MALRD1: variants seen among roughly 807,000 people sequenced by gnomAD.
The protein encoded by MALRD1 is MAM and LDL receptor class A domain containing 1.
Under a neutral mutation model 242.1 loss-of-function variants are expected in MALRD1, and 247 were observed. The ratio of observed to expected loss-of-function variants is 1.02; its 90% CI spans 0.92 to 1.13. The LOEUF (loss-of-function observed/expected upper bound fraction) is 1.13. MALRD1 is among the 50% of genes most tolerant of loss of function. The pLI, the probability that MALRD1 is intolerant of heterozygous loss-of-function variation, is 0.00. For missense variants in MALRD1, 2,989 were observed against 2,533.1 expected (o/e 1.18, Z -3.86); for synonymous variants, 995 against 866.6 (o/e 1.15, Z -2.60).
Position 19,238,546 on chromosome 10 carries a change from T to TACATAATGTATATTATATATAATATAC in MALRD1, c.2992-19137_2992-19136insCATAATGTATATTATATATAATATACA, listed in dbSNP as rs371075170. 2.1e-4 allele frequency among the ~76,000 whole-genome samples: 17 copies of TACATAATGTATATTATATATAATATAC among 80,372 alleles called. 2 individuals are homozygous for TACATAATGTATATTATATATAATATAC. The highest frequency in any genetic ancestry group is 3.1e-4 in the East Asian group (1 of 3,206). The allele number at this position is 80,372 out of a possible 152,430, so 52.7% of individuals were successfully genotyped here. On this transcript the variant is annotated intron_variant, in intron 18 of 39. Coordinates refer to ENST00000454679, the MANE Select transcript of MALRD1 (RefSeq NM_001142308.3). Reference sequence around the variant, plus strand: ...TATATAATATACATTATATATAATATATAATGTATATTATATATAATATAC... The same window carrying TACATAATGTATATTATATATAATATAC: ...TATATAATATACATTATATATAATATACATAATGTATATTATATATAATATACATAATGTATATTATATATAATATAC...
At chr10:19,164,761 A>G (rs534616023) in intron 12 of MALRD1, among the ~76,000 whole-genome samples, 11 of 152,288 alleles carry the variant, frequency 7.2e-5, no homozygotes, top group African/African-American at 2.6e-4. Context: ...TGTTAGGGCT[A>G]CTGCTATCAG....
At chr10:19,581,847 G>C (rs1837142935) in intron 33 of MALRD1, among the ~76,000 whole-genome samples, 1 of 151,864 alleles carries the variant, frequency 6.6e-6, no homozygotes, top group Admixed American at 6.6e-5. Context: ...CAGTGTAAAA[G>C]TGTTCCTATT....
chr10:19,606,455 A>G (rs551628634), intron 34 of MALRD1, among the ~76,000 whole-genome samples: 2 of 152,268 alleles, frequency 1.3e-5, no homozygotes, highest in African/African-American at 4.8e-5. Flanking sequence ...CTGACTATCT[A>G]CTGCTGCCTT....
rs191439715 is a variant in MALRD1, at chr10:19,645,411, A to C, written c.6137+29488A>C. ...CCAAAGGATTATAAATCATGCTGCT[A>C]TAAAGACACATGCACACATACGTTT... On this transcript the variant is annotated intron_variant, in intron 36 of 39. Transcript: ENST00000454679. Among the ~76,000 whole-genome samples the C allele has an allele frequency of 9.2e-5, 14 of 152,338 alleles. No individual in the cohort carries two copies. The East Asian group carries it at 2.7e-3, about 29-fold the overall frequency.
chr10:19,223,991 T>A (rs957540627), intron 18 of MALRD1, among the ~76,000 whole-genome samples: 1 of 152,212 alleles, frequency 6.6e-6, no homozygotes, highest in Non-Finnish European at 1.5e-5. Flanking sequence ...CTATTGTGAA[T>A]AGTGCTGCAG....
chr10:19,340,710 A>G (rs1588937439), intron 24 of MALRD1, among the ~76,000 whole-genome samples: 1 of 152,160 alleles, frequency 6.6e-6, no homozygotes, highest in East Asian at 1.9e-4. Flanking sequence ...GTCTTTCACA[A>G]TTATTACAGA....
intron 5 of MALRD1, among the ~76,000 whole-genome samples, chr10:19,118,362 G>C (rs139421244): frequency 0.011 from 1,682 of 152,260 alleles, 33 homozygotes; most frequent in African/African-American, 0.038. Flanking sequence ...TACACAATTT[G>C]GGGAGACATA....
chr10:19,352,131 A>G lies in MALRD1; in HGVS notation c.4275A>G (p.Arg1425=). The G allele has an allele frequency of 6.4e-7, 1 of 1,550,604 alleles. No homozygotes were observed. The highest frequency in any genetic ancestry group is 8.7e-7 in the Non-Finnish European group (1 of 1,146,938). Residue 1425 remains arginine, a synonymous_variant, in exon 26 of 40, where the codon AGA becomes AGG. Coordinates refer to ENST00000454679, the MANE Select transcript of MALRD1 (RefSeq NM_001142308.3). ...LTVEQGNFWR[R]EELSLFGDED... ...TAGAACAAGGCAATTTCTGGCGGAGAGAAGAACTGTCACTGTTTGGTGATG... is the reference window on the plus strand; with the variant it reads ...TAGAACAAGGCAATTTCTGGCGGAGGGAAGAACTGTCACTGTTTGGTGATG...
intron 38 of MALRD1, among the ~76,000 whole-genome samples, chr10:19,726,645 G>A (rs932990867): frequency 2.1e-4 from 32 of 152,086 alleles, no homozygotes; most frequent in African/African-American, 6.3e-4. Flanking sequence ...TATTCATGCA[G>A]CAATGTTCCC....
chr10:19,194,941 A>T (rs1264792005), intron 14 of MALRD1, among the ~76,000 whole-genome samples: 2 of 152,298 alleles, frequency 1.3e-5, no homozygotes, highest in East Asian at 3.9e-4. Flanking sequence ...TCTCAGTCTG[A>T]AAATATAAAA....
chr10:19,536,601 G>C (rs972711014), intron 32 of MALRD1, among the ~76,000 whole-genome samples: 2 of 151,718 alleles, frequency 1.3e-5, no homozygotes, highest in Non-Finnish European at 2.9e-5. Context: ...TGTTAGTTTA[G>C]CTACTCTAAA....
At chr10:19,219,295 A>T (rs188770125) in intron 18 of MALRD1, among the ~76,000 whole-genome samples, 3 of 152,190 alleles carry the variant, frequency 2.0e-5, no homozygotes, top group African/African-American at 7.2e-5. Context: ...ATATAAAAAC[A>T]TACTATACTA....
intron 21 of MALRD1, among the ~76,000 whole-genome samples, chr10:19,297,444 C>T (rs746398027): frequency 1.6e-4 from 24 of 151,636 alleles, no homozygotes; most frequent in Admixed American, 5.9e-4. Context: ...AGTGGCACGA[C>T]GGTAAGAGTA....
chr10:19,064,575 C>A (rs1216322091), intron 1 of MALRD1, among the ~76,000 whole-genome samples: 6 of 148,802 alleles, frequency 4.0e-5, no homozygotes, highest in African/African-American at 1.2e-4. Flanking sequence ...ACAAAAAGAA[C>A]CCCTGTTGAG....
intron 13 of MALRD1, among the ~76,000 whole-genome samples, chr10:19,173,863 G>A (rs142213161): frequency 5.7e-4 from 87 of 152,174 alleles, no homozygotes; most frequent in African/African-American, 2.1e-3. Flanking sequence ...TATGATGTAG[G>A]GTAGTGAATG....
chr10:19,450,456 A>G lies in MALRD1; in HGVS notation c.4995A>G (p.Ala1665=). The G allele has an allele frequency of 2.6e-6, 4 of 1,550,046 alleles. No individual in the cohort carries two copies. The highest frequency in any genetic ancestry group is 3.5e-6 in the Non-Finnish European group (4 of 1,146,796). ...CAAGGGACCTGGGAGGAGGAGCTGCAATTGATGATATTGAATTTAAAAACT... is the reference window on the plus strand; with the variant it reads ...CAAGGGACCTGGGAGGAGGAGCTGCGATTGATGATATTGAATTTAAAAACT... ...IRTRDLGGGA[A]IDDIEFKNCT... The change falls in exon 29 of 40, where the codon GCA becomes GCG. Residue 1665 remains alanine, a synonymous_variant. Transcript: ENST00000454679.
chr10:19,281,104 T>G (rs986547198), intron 20 of MALRD1, among the ~76,000 whole-genome samples: 1 of 152,190 alleles, frequency 6.6e-6, no homozygotes, highest in Admixed American at 6.5e-5. Context: ...AAAAATGTTT[T>G]TTAATGTACA....
Position 19,283,158 on chromosome 10 carries a change from CAG to C in MALRD1, c.3397_3398del (p.Arg1133AlafsTer11), listed in dbSNP as rs887489672. On this transcript the variant is annotated frameshift_variant, in exon 21 of 40. Coordinates refer to ENST00000454679, the MANE Select transcript of MALRD1 (RefSeq NM_001142308.3). LOFTEE classifies it high-confidence loss of function. Reference protein sequence around the residue: ...ISIHHGEENHRPSVDHTQNTT... With the variant: ...ISIHHGEENHXPSVDHTQNTT... The stretch of plus-strand genomic sequence containing the variant: ...GCATTCATCATGGGGAAGAAAACCA[CAG>C]GCCATCAGTGGATCATACACAGTAA... 6.5e-7 allele frequency: 1 copy of C among 1,547,768 alleles called. No homozygotes were observed. Among genetic ancestry groups the C allele is most frequent in the Non-Finnish European group, 8.7e-7 (1 of 1,145,336 alleles).
chr10:19,222,318 C>A (rs187476794), intron 18 of MALRD1, among the ~76,000 whole-genome samples: 61 of 152,198 alleles, frequency 4.0e-4, no homozygotes, highest in Admixed American at 9.2e-4. Context: ...GTGTCTGGGG[C>A]GGCCACCTCT....
Sources: allele counts gnomAD v4.1 joint callset (sites outside exome capture counted in the v4.1 genomes callset), GRCh38; gene constraint gnomAD v4.1.1; transcripts MANE v1.5; gene names NCBI Gene and HGNC (gene_info 2026-07-23, HGNC 2026-07-21).